The following DSE variants were observed in gnomAD, a reference collection of about 807,000 sequenced individuals.
DSE encodes dermatan-sulfate epimerase.
A neutral mutation model predicts 84.4 loss-of-function variants in DSE; 36 were observed. The observed-to-expected ratio is 0.43, with a 90% confidence interval of 0.33 to 0.56. The LOEUF is 0.56. Among genes scored for constraint, DSE ranks in the 20% least tolerant of loss-of-function variants. The pLI is 0.06. For missense variants in DSE, 862 were observed against 1,169.6 expected (o/e 0.74, Z 3.84); for synonymous variants, 410 against 430.1 (o/e 0.95, Z 0.58).
At chr6:116,402,409 G>A (rs576764487) in intron 2 of DSE, among the ~76,000 whole-genome samples, 43 of 152,144 alleles carry the variant, frequency 2.8e-4, no homozygotes, top group African/African-American at 7.2e-4. Flanking sequence ...CTTAATTTGC[G>A]TGAGCATTAG....
chr6:116,430,995 A>T lies in DSE; in HGVS notation c.712A>T (p.Thr238Ser). 1 of 1,614,054 alleles carries T rather than the reference A, an allele frequency of 6.2e-7. No individual in the cohort carries two copies. Among genetic ancestry groups the T allele is most frequent in the Non-Finnish European group, 8.5e-7 (1 of 1,180,026 alleles). Residue 238 changes from threonine (T) to serine (S), a missense_variant, in exon 4 of 6, where the codon ACC becomes TCC. This residue lies in a region of DSE where 309 missense variants were observed against 516.9 expected (regional missense o/e 0.60). Transcript: ENST00000644252. ...EAYLWTKQVLTIMEKSLVLLR... is the reference protein window; with the variant it reads ...EAYLWTKQVLSIMEKSLVLLR... ...CTACTTATGGACCAAACAAGTTCTG[A>T]CCATCATGGAGAAATCTCTGGTCTT...
In DSE at chr6:116,379,857, T is replaced by G. The variant is rs1780120706; in HGVS notation, c.-54+8736T>G. 2.0e-5 allele frequency among the ~76,000 whole-genome samples: 3 copies of G among 152,308 alleles called. No individual in the cohort carries two copies. In the South Asian group the frequency reaches 6.2e-4, roughly 32 times the overall value. Reference sequence around the variant, plus strand: ...TTTCATCTTGCAAATTTCAGATTGTTGGACCACTTCCAATATCTCTTTCTT... The same window carrying G: ...TTTCATCTTGCAAATTTCAGATTGTGGGACCACTTCCAATATCTCTTTCTT... On this transcript the variant is annotated intron_variant, in intron 1 of 5. Transcript: ENST00000644252.
rs1052231906 is a variant in DSE, at chr6:116,443,578, G to T, written c.*6233G>T. ...AAAAGAAATAGTTTCAATTATATAA[G>T]CATTGTGATTAATGCAGGCAGTTGG... On this transcript the variant is annotated 3_prime_UTR_variant, in exon 6 of 6. Coordinates refer to ENST00000644252, the MANE Select transcript of DSE (RefSeq NM_013352.4). 2 of 152,164 alleles carry T rather than the reference G, an allele frequency of 1.3e-5. No individual in the cohort carries two copies. The highest frequency in any genetic ancestry group is 2.9e-5 in the Non-Finnish European group (2 of 68,032). 9.4% of individuals were successfully genotyped at this position (152,164 alleles called of 1,614,324 possible). A position where few individuals can be genotyped will look rare whatever the true frequency, so the allele number is the denominator to read the frequency against.
chr6:116,377,071 CT>C (rs1160423300), intron 1 of DSE, among the ~76,000 whole-genome samples: 2 of 152,182 alleles, frequency 1.3e-5, no homozygotes, highest in African/African-American at 4.8e-5. Context: ...CATTCATGCT[CT>C]TTTAGTAGAA....
At chr6:116,330,188 T>G (rs187741042) in intron 2 of DSE, among the ~76,000 whole-genome samples, 1 of 152,352 alleles carries the variant, frequency 6.6e-6, no homozygotes, top group Non-Finnish European at 1.5e-5. Context: ...AAATATATAC[T>G]TTATTAATTT....
At chr6:116,262,467 T>C (rs1489247135) in intron 2 of DSE, among the ~76,000 whole-genome samples, 1 of 152,166 alleles carries the variant, frequency 6.6e-6, no homozygotes, top group African/African-American at 2.4e-5. Context: ...GGTAATATCC[T>C]CCTTGTCACT....
At chr6:116,286,147 C>A (rs1773889492) in intron 2 of DSE, among the ~76,000 whole-genome samples, 1 of 152,098 alleles carries the variant, frequency 6.6e-6, no homozygotes, top group Admixed American at 6.5e-5. Flanking sequence ...TTCTTTCTAT[C>A]CATGAGCATG....
rs1414455618 is a variant in DSE at position 116,444,243 on chromosome 6, A to G, written c.*6898A>G. 6.6e-6 allele frequency: 1 copy of G among 152,244 alleles called. No individual in the cohort carries two copies. The highest frequency in any genetic ancestry group is 2.4e-5 in the African/African-American group (1 of 41,466). The allele number at this position is 152,244 out of a possible 1,614,324, so 9.4% of individuals were successfully genotyped here. ...ATTTTTTATCACAGTTGAAATATCAATTGCAATAACAACTGAAAACTGATT... is the reference window on the plus strand; with the variant it reads ...ATTTTTTATCACAGTTGAAATATCAGTTGCAATAACAACTGAAAACTGATT... On this transcript the variant is annotated 3_prime_UTR_variant, in exon 6 of 6. Coordinates refer to ENST00000644252, the MANE Select transcript of DSE (RefSeq NM_013352.4).
At chr6:116,404,623 A>G (rs1389334731) in intron 2 of DSE, among the ~76,000 whole-genome samples, 1 of 152,274 alleles carries the variant, frequency 6.6e-6, no homozygotes, top group Non-Finnish European at 1.5e-5. Flanking sequence ...CCAAGGATTG[A>G]ATGAAGTAAT....
At chr6:116,348,417 A>T (rs958476435) in intron 2 of DSE, among the ~76,000 whole-genome samples, 14 of 149,614 alleles carry the variant, frequency 9.4e-5, no homozygotes, top group African/African-American at 3.5e-4. Context: ...ACAGAGTGAG[A>T]CTCCGTCTCA....
At chr6:116,416,398 G>C (rs1299893288) in intron 2 of DSE, among the ~76,000 whole-genome samples, 1 of 106,732 alleles carries the variant, frequency 9.4e-6, no homozygotes, top group Non-Finnish European at 1.9e-5. Flanking sequence ...TGTGTGTGTA[G>C]CTTTTTGACT....
chr6:116,275,644 C>CA (rs1482732856), intron 2 of DSE, among the ~76,000 whole-genome samples: 1 of 151,958 alleles, frequency 6.6e-6, no homozygotes, highest in African/African-American at 2.4e-5. Context: ...ACTAAAAATA[C>CA]AAAAAATTAG....
At chr6:116,393,103 G>A (rs1189039608) in intron 1 of DSE, among the ~76,000 whole-genome samples, 1 of 152,164 alleles carries the variant, frequency 6.6e-6, no homozygotes, top group Non-Finnish European at 1.5e-5. Flanking sequence ...TGTTAGATCG[G>A]CAGGCCTTTC....
chr6:116,360,649 C>T (rs1202892810), intron 2 of DSE, among the ~76,000 whole-genome samples: 8 of 152,296 alleles, frequency 5.3e-5, no homozygotes, highest in Non-Finnish European at 8.8e-5. Context: ...AAGGTCGCCA[C>T]GTTGGCCGCA....
chr6:116,411,364 A>G (rs1347390591), intron 2 of DSE, among the ~76,000 whole-genome samples: 1 of 152,258 alleles, frequency 6.6e-6, no homozygotes, highest in African/African-American at 2.4e-5. Context: ...AGGTGCTGAT[A>G]CAGCACTGCA....
intron 2 of DSE, chr6:116,278,803 C>A: frequency 6.2e-7 from 1 of 1,614,154 alleles, no homozygotes; most frequent in Non-Finnish European, 8.5e-7. Flanking sequence ...GCCGGAGGAT[C>A]TTACCTCATA....
intron 2 of DSE, among the ~76,000 whole-genome samples, chr6:116,364,711 G>A (rs907159315): frequency 3.3e-5 from 5 of 151,728 alleles, no homozygotes; most frequent in Non-Finnish European, 5.9e-5. Flanking sequence ...GTGAGCTTGA[G>A]TTAATAAAAA....
intron 2 of DSE, among the ~76,000 whole-genome samples, chr6:116,404,476 C>T (rs6907315): frequency 0.18 from 27,605 of 152,198 alleles, 3,378 homozygotes; most frequent in Middle Eastern, 0.31. Flanking sequence ...AGGTCTGGCC[C>T]AGTGGTCTTT....
At chr6:116,420,981 C>A (rs6568940) in intron 2 of DSE, among the ~76,000 whole-genome samples, 97,242 of 152,024 alleles carry the variant, frequency 0.64, 31,909 homozygotes, top group Admixed American at 0.72. Flanking sequence ...CAGTCTATCC[C>A]TTTAAAATTG....
Sources: gnomAD v4.1 joint callset for allele counts (sites outside exome capture counted in the v4.1 genomes callset) on GRCh38, gnomAD v4.1.1 for gene constraint, gnomAD v4.1.1 regional missense constraint, MANE v1.5 for transcripts, NCBI Gene and HGNC (gene_info 2026-07-23, HGNC 2026-07-21) for gene names.